IFI27L1: variants seen among roughly 807,000 people sequenced by gnomAD.
The protein encoded by IFI27L1 is interferon alpha inducible protein 27 like 1.
IFI27L1 carries 3 observed loss-of-function variants against 9.2 expected under a neutral mutation model. The ratio of observed to expected loss-of-function variants is 0.32; its 90% CI spans 0.15 to 0.84. The LOEUF (loss-of-function observed/expected upper bound fraction) is 0.84, where lower values mean the gene tolerates loss of function less well. Among genes scored for constraint, IFI27L1 ranks in the 40% least tolerant of loss-of-function variants. IFI27L1 has a pLI of 0.56. For synonymous variants in IFI27L1, 53 were observed against 50.0 expected, an observed-to-expected ratio of 1.06 and a Z score of -0.26; for missense variants, 133 against 134.2, an observed-to-expected ratio of 0.99 and a Z score of 0.05.
intron 3 of IFI27L1, chr14:94,101,053 A>G: frequency 1.7e-6 from 1 of 582,890 alleles, no homozygotes; most frequent in Non-Finnish European, 3.1e-6. Context: ...ACAGCCCGGG[A>G]TTCCTCCCCG....
intron 1 of IFI27L1, among the ~76,000 whole-genome samples, chr14:94,082,513 T>C (rs2141442809): frequency 6.6e-6 from 1 of 152,368 alleles, no homozygotes; most frequent in Non-Finnish European, 1.5e-5. Context: ...CTTTCATAGC[T>C]AGAGAGGTCA....
intron 3 of IFI27L1, chr14:94,101,034 G>A: frequency 3.4e-6 from 2 of 594,566 alleles, no homozygotes; most frequent in Non-Finnish European, 6.0e-6. Context: ...ATGAGTCATT[G>A]GAGCAGTCAC....
chr14:94,096,781 A>G (rs2139271962), intron 1 of IFI27L1, 106 bp from the exon 2 acceptor site: 2 of 598,376 alleles, frequency 3.3e-6, no homozygotes, highest in Admixed American at 2.9e-5. Flanking sequence ...TTTATATGAT[A>G]ATTCTATTTT....
chr14:94,094,741 G>A (rs1253245482), intron 1 of IFI27L1: 1 of 152,184 alleles, frequency 6.6e-6, no homozygotes, highest in Non-Finnish European at 1.5e-5. Flanking sequence ...CTCTGGATTT[G>A]GCTTGAAGTC....
intron 4 of IFI27L1, 133 bp downstream of exon 4, chr14:94,102,108 C>A: frequency 1.1e-6 from 1 of 942,708 alleles, no homozygotes. Context: ...GTCACTGTCC[C>A]CTCTTCTGGT....
rs140552957 is a variant in IFI27L1, at chr14:94,088,070, A to G, written c.-52+6621A>G. 3.5e-3 allele frequency among the ~76,000 whole-genome samples: 536 copies of G among 152,266 alleles called. 4 individuals are homozygous for G. The highest frequency in any genetic ancestry group is 0.012 in the African/African-American group (506 of 41,566). On this transcript the variant is annotated intron_variant, in intron 1 of 4. Coordinates refer to ENST00000555523, the MANE Select transcript of IFI27L1 (RefSeq NM_206949.3). ...TTTCACGCTCTGCTGTGAACCCTCA[A>G]GGATGGAAAGTTAATGACTCTATTC...
chr14:94,089,758 C>G (rs1328476760), intron 1 of IFI27L1, among the ~76,000 whole-genome samples: 1 of 152,146 alleles, frequency 6.6e-6, no homozygotes, highest in South Asian at 2.1e-4. Flanking sequence ...TACAAGGAAA[C>G]CCTTAAGCCT....
At chr14:94,088,429 A>AGCCACATTCTGGGGTTGGG (rs1886355062) in intron 1 of IFI27L1, 2 of 683,948 alleles carry the variant, frequency 2.9e-6, no homozygotes, top group Middle Eastern at 2.4e-4. Context: ...TTTAGGGTGG[A>AGCCACATTCTGGGGTTGGG]GCCACATTCT....
intron 1 of IFI27L1, among the ~76,000 whole-genome samples, chr14:94,086,722 T>C (rs1886293953): frequency 6.6e-6 from 1 of 151,972 alleles, no homozygotes; most frequent in African/African-American, 2.4e-5. Context: ...CAAATAATAA[T>C]AATAACAACA....
intron 1 of IFI27L1, among the ~76,000 whole-genome samples, chr14:94,096,198 C>T (rs1418246939): frequency 6.6e-6 from 1 of 152,158 alleles, no homozygotes; most frequent in Non-Finnish European, 1.5e-5. Flanking sequence ...TCATGGAGGA[C>T]TTGCTTATCC....
At chr14:94,083,223 A>G (rs995332081) in intron 1 of IFI27L1, among the ~76,000 whole-genome samples, 2 of 152,260 alleles carry the variant, frequency 1.3e-5, no homozygotes, top group African/African-American at 2.4e-5. Flanking sequence ...GAGCCTGAAG[A>G]TATGACTGAA....
intron 2 of IFI27L1, 72 bp downstream of exon 2, chr14:94,097,037 G>C: frequency 7.9e-7 from 1 of 1,268,762 alleles, no homozygotes; most frequent in Non-Finnish European, 1.1e-6. Flanking sequence ...CCACTCTTCT[G>C]ACACCAGATT....
chr14:94,090,936 T>C (rs1440610448), intron 1 of IFI27L1, among the ~76,000 whole-genome samples: 1 of 152,218 alleles, frequency 6.6e-6, no homozygotes, highest in East Asian at 1.9e-4. Flanking sequence ...TTGTTCACAG[T>C]AGTATACTTT....
intron 1 of IFI27L1, among the ~76,000 whole-genome samples, chr14:94,087,639 G>T (rs139217879): frequency 6.6e-6 from 1 of 152,176 alleles, no homozygotes; most frequent in African/African-American, 2.4e-5. Context: ...TGTTAGCCAG[G>T]ATGGTCTCGA....
Position 94,086,984 on chromosome 14 carries a change from G to A in IFI27L1, c.-52+5535G>A, listed in dbSNP as rs142842294. Reference sequence around the variant, plus strand: ...AAAAGAAAATGACATTTGAGAATACGGCATTGCAGTGGGAAAATTCATGCC... The same window carrying A: ...AAAAGAAAATGACATTTGAGAATACAGCATTGCAGTGGGAAAATTCATGCC... On this transcript the variant is annotated intron_variant, in intron 1 of 4. Coordinates refer to ENST00000555523, the MANE Select transcript of IFI27L1 (RefSeq NM_206949.3). Among the ~76,000 whole-genome samples the A allele has an allele frequency of 4.6e-5, 7 of 152,148 alleles. No individual in the cohort carries two copies. In the East Asian group the frequency reaches 1.2e-3, roughly 25 times the overall value.
At chr14:94,082,905 G>A (rs1398555197) in intron 1 of IFI27L1, among the ~76,000 whole-genome samples, 1 of 152,216 alleles carries the variant, frequency 6.6e-6, no homozygotes, top group African/African-American at 2.4e-5. Flanking sequence ...CATGGATCAA[G>A]AAGTAATTTT....
chr14:94,088,679 A>T (rs962284207), intron 1 of IFI27L1, among the ~76,000 whole-genome samples: 5 of 151,870 alleles, frequency 3.3e-5, no homozygotes, highest in Non-Finnish European at 7.4e-5. Context: ...CTGCAGCTGA[A>T]CTCTGACTAA....
intron 1 of IFI27L1, among the ~76,000 whole-genome samples, chr14:94,082,575 T>C (rs1043439277): frequency 6.6e-5 from 10 of 152,264 alleles, no homozygotes; most frequent in Non-Finnish European, 1.3e-4. Flanking sequence ...CTAATGCAGC[T>C]AGTGACTTTG....
chr14:94,090,761 G>C (rs1383367128), intron 1 of IFI27L1, among the ~76,000 whole-genome samples: 1 of 152,206 alleles, frequency 6.6e-6, no homozygotes, highest in African/African-American at 2.4e-5. Context: ...CATCATTACA[G>C]TCAAAGCCTT....
Sources: allele counts gnomAD v4.1 joint callset (sites outside exome capture counted in the v4.1 genomes callset), GRCh38; gene constraint gnomAD v4.1.1; transcripts MANE v1.5; gene names NCBI Gene and HGNC (gene_info 2026-07-23, HGNC 2026-07-21).